Variants in ADAMTS4 observed in about 807,000 individuals in gnomAD.
ADAMTS4 encodes A disintegrin and metalloproteinase with thrombospondin motifs 4.
Under a neutral mutation model 66.7 loss-of-function variants are expected in ADAMTS4, and 38 were observed. That is an observed-to-expected ratio of 0.57 (90% confidence interval 0.44 to 0.75). The LOEUF is 0.75. ADAMTS4 is among the 30% of genes least tolerant of loss of function. The probability of loss-of-function intolerance (pLI) is 0.00; values close to 1 mark genes in which losing one functional copy is unlikely to be tolerated. For synonymous variants in ADAMTS4, 418 were observed against 461.5 expected, an observed-to-expected ratio of 0.91 and a Z score of 1.21; for missense variants, 1,014 against 1,116.7, an observed-to-expected ratio of 0.91 and a Z score of 1.31.
In ADAMTS4 at chr1:161,187,451, G is replaced by A. The variant is rs1249306375; in HGVS notation, c.*3687C>T. 6.6e-6 allele frequency: 1 copy of A among 152,168 alleles called. No individual in the cohort carries two copies. The highest frequency in any genetic ancestry group is 1.5e-5 in the Non-Finnish European group (1 of 68,062). The allele number at this position is 152,168 out of a possible 1,614,324, so 9.4% of individuals were successfully genotyped here. On this transcript the variant is annotated 3_prime_UTR_variant, in exon 9 of 9. Coordinates refer to ENST00000367996, the MANE Select transcript of ADAMTS4 (RefSeq NM_005099.6). ...TAGGAGGACCACAGGAAGGGCCAGG[G>A]GGCCAAGCCTAGCAGGGAGAACCGT...
In ADAMTS4 at chr1:161,193,081, T is replaced by C; in HGVS notation, c.1911+132A>G. ...ATACCCATGTACAGATAAGTCTGAG[T>C]GGAATCCTGGACTGGGCTGGCGTGG... On this transcript the variant is annotated intron_variant, in intron 7 of 8. Coordinates refer to ENST00000367996, the MANE Select transcript of ADAMTS4 (RefSeq NM_005099.6). This position sits in a 1 kb window ranked among gnomAD's most constrained non-coding sequence, Gnocchi z 4.4. 9.7e-7 allele frequency: 1 copy of C among 1,031,160 alleles called. No homozygotes were observed. Among genetic ancestry groups the C allele is most frequent in the Admixed American group, 2.7e-5 (1 of 36,690 alleles). The allele number at this position is 1,031,160 out of a possible 1,614,324, so 63.9% of individuals were successfully genotyped here. A position where few individuals can be genotyped will look rare whatever the true frequency, so the allele number is the denominator to read the frequency against.
chr1:161,189,775 A>T lies in ADAMTS4; in HGVS notation c.*1363T>A, dbSNP rs1187515120. 1 of 152,212 alleles carries T rather than the reference A, an allele frequency of 6.6e-6. No individual in the cohort carries two copies. The highest frequency in any genetic ancestry group is 1.5e-5 in the Non-Finnish European group (1 of 68,036). 9.4% of individuals were successfully genotyped at this position (152,212 alleles called of 1,614,324 possible). ...AGTGTTATGCTAGTTCTTTATTTAC[A>T]TTATTTAATCCTCACAACAAACTTC... On this transcript the variant is annotated 3_prime_UTR_variant, in exon 9 of 9. Coordinates refer to ENST00000367996, the MANE Select transcript of ADAMTS4 (RefSeq NM_005099.6).
rs760823575 is a variant in ADAMTS4, at chr1:161,195,522, C to T, written c.1204G>A (p.Glu402Lys). Residue 402 changes from glutamate (E) to lysine (K), a missense_variant, in exon 4 of 9, where the codon GAG (glutamate) becomes AAG (lysine). By Grantham distance (56) the Glu-to-Lys change is moderately conservative. Transcript: ENST00000367996. The stretch of plus-strand genomic sequence containing the variant: ...CGGGCACTGCAGGGGGACCAGGGCT[C>T]CTCAGGATCCACATGAGCCATCACA... ...APVMAHVDPE[E>K]PWSPCSARFI... 3 of 1,613,960 alleles carry T rather than the reference C, an allele frequency of 1.9e-6. No individual in the cohort carries two copies. Among genetic ancestry groups the T allele is most frequent in the Non-Finnish European group, 2.5e-6 (3 of 1,179,930 alleles).
At position 161,198,146 on chromosome 1, in the gene ADAMTS4, TGGA is replaced by T. The variant is rs1323380062; in HGVS notation, c.479_481del (p.Leu160del). ...GGTGCCTCCCTCCAGGGGCTGGAGG[TGGA>T]GTTCAGCCCCCCGATATTGTAACAC... On this transcript the variant is annotated inframe_deletion, in exon 1 of 9. Transcript: ENST00000367996. This position sits in a 1 kb window ranked among gnomAD's most constrained non-coding sequence, Gnocchi z 4.7. 4 of 1,613,390 alleles carry T rather than the reference TGGA, an allele frequency of 2.5e-6. No individual in the cohort carries two copies. The highest frequency in any genetic ancestry group is 3.4e-6 in the Non-Finnish European group (4 of 1,179,860).
Position 161,190,997 on chromosome 1 carries a change from T to A in ADAMTS4, c.*141A>T. On this transcript the variant is annotated 3_prime_UTR_variant, in exon 9 of 9. Transcript: ENST00000367996. ...ACCAGGGCAGGGCCAGCCTGCGCAT[T>A]AGGGCAGAGAGGAGGGGCAGGTCTC... is the stretch of plus-strand genomic sequence containing the variant. 1.0e-6 allele frequency: 1 copy of A among 989,118 alleles called. No individual in the cohort carries two copies. The highest frequency in any genetic ancestry group is 1.4e-6 in the Non-Finnish European group (1 of 694,012). The allele number at this position is 989,118 out of a possible 1,614,324, so 61.3% of individuals were successfully genotyped here.
chr1:161,197,194 G>C (rs1571586603), intron 1 of ADAMTS4: 1 of 326,494 alleles, frequency 3.1e-6, no homozygotes. Context: ...AGGGACTTTG[G>C]GGTTCTCCAG....
chr1:161,196,443 G>C, intron 2 of ADAMTS4, 114 bp downstream of exon 2: 1 of 1,496,306 alleles, frequency 6.7e-7, no homozygotes, highest in Non-Finnish European at 9.1e-7. Flanking sequence ...CAGTGTGGCT[G>C]GGGCAAGGCA....
In ADAMTS4 at chr1:161,188,595, C is replaced by T. The variant is rs1664591098; in HGVS notation, c.*2543G>A. The T allele has an allele frequency of 7.8e-6, 1 of 128,680 alleles. No homozygotes were observed. The highest frequency in any genetic ancestry group is 2.9e-5 in the African/African-American group (1 of 34,212). 8.0% of individuals were successfully genotyped at this position (128,680 alleles called of 1,614,324 possible). ...GGGGAAAATGCAGATGTTTTATTCC[C>T]TCCCTCTCCTCAGGCATCAGGTATT... On this transcript the variant is annotated 3_prime_UTR_variant, in exon 9 of 9. Coordinates refer to ENST00000367996, the MANE Select transcript of ADAMTS4 (RefSeq NM_005099.6).
Position 161,190,896 on chromosome 1 carries a change from AG to A in ADAMTS4, c.*241del, listed in dbSNP as rs746544162. The A allele has an allele frequency of 1.9e-4, 86 of 449,748 alleles. No homozygotes were observed. The highest frequency in any genetic ancestry group is 1.3e-3 in the South Asian group (25 of 19,172). 27.9% of individuals were successfully genotyped at this position (449,748 alleles called of 1,614,324 possible). On this transcript the variant is annotated 3_prime_UTR_variant, in exon 9 of 9. Coordinates refer to ENST00000367996, the MANE Select transcript of ADAMTS4 (RefSeq NM_005099.6). ...CTCCCTCCTGTGACCCGCAGGGCAG[AG>A]GGGGCAGTTTAGATGGAGGGCTGTC... is the stretch of plus-strand genomic sequence containing the variant.
rs774912153 is a variant in ADAMTS4 at position 161,191,532 on chromosome 1, G to T, written c.2120C>A (p.Ala707Glu). 6.2e-7 allele frequency: 1 copy of T among 1,613,218 alleles called. No individual in the cohort carries two copies. Among genetic ancestry groups the T allele is most frequent in the Non-Finnish European group, 8.5e-7 (1 of 1,179,544 alleles). The part of the protein sequence containing the change: ...YGYNNVVTIP[A>E]GATHILVRQQ... ...CCGGACAAGAATGTGGGTGGCCCCC[G>T]CGGGGATAGTGACCACATTGTTGTA... The change falls in exon 9 of 9, where the codon GCG becomes GAG. Residue 707 changes from alanine (A) to glutamate (E), a missense_variant. Ala to Glu is a moderately radical substitution (Grantham distance 107). Transcript: ENST00000367996.
chr1:161,193,494 G>A lies in ADAMTS4; in HGVS notation c.1736-106C>T. 1 of 1,521,768 alleles carries A rather than the reference G, an allele frequency of 6.6e-7. No individual in the cohort carries two copies. The highest frequency in any genetic ancestry group is 8.9e-7 in the Non-Finnish European group (1 of 1,126,490). The allele number at this position is 1,521,768 out of a possible 1,614,324, so 94.3% of individuals were successfully genotyped here. A position where few individuals can be genotyped will look rare whatever the true frequency, so the allele number is the denominator to read the frequency against. ...AGACAGCACAGCTCTGCTCTTCCCT[G>A]CAGACGGCCAAGGACAATTCCCAGA... On this transcript the variant is annotated intron_variant, in intron 6 of 8. Transcript: ENST00000367996. The surrounding 1 kb of genome is among the most constrained non-coding windows in gnomAD (Gnocchi z 4.4).
chr1:161,193,807 C>G lies in ADAMTS4; in HGVS notation c.1568G>C (p.Trp523Ser), dbSNP rs753203978. 1.2e-6 allele frequency: 2 copies of G among 1,607,550 alleles called. No homozygotes were observed. Among genetic ancestry groups the G allele is most frequent in the Non-Finnish European group, 1.7e-6 (2 of 1,176,640 alleles). The change falls in exon 6 of 9, where the codon TGG (tryptophan) becomes TCG (serine). Residue 523 changes from tryptophan (W) to serine (S), a missense_variant. Transcript: ENST00000367996. This position sits in a 1 kb window ranked among gnomAD's most constrained non-coding sequence, Gnocchi z 4.4. ...GTCACCCCATGGTCCCCAAGGACCC[C>G]AGCCACCAGCCTGTGGAATCTGCAA... ...QDFNIPQAGG[W>S]GPWGPWGDCS...
rs144218462 is a variant in ADAMTS4, at chr1:161,198,345, C to T, written c.283G>A (p.Glu95Lys). 3.2e-5 allele frequency: 51 copies of T among 1,613,204 alleles called. No homozygotes were observed. In the African/African-American group the frequency reaches 6.3e-4, roughly 20 times the overall value. Reference protein sequence around the residue: ...LQAFGETLLLELEQDSGVQVE... With the variant: ...LQAFGETLLLKLEQDSGVQVE... Reference sequence around the variant, plus strand: ...TGCACACCGGAGTCCTGCTCCAGCTCTAGTAGCAGCGTCTCCCCAAAGGCC... The same window carrying T: ...TGCACACCGGAGTCCTGCTCCAGCTTTAGTAGCAGCGTCTCCCCAAAGGCC... The change falls in exon 1 of 9, where the codon GAG (glutamate) becomes AAG (lysine). Residue 95 changes from glutamate (E) to lysine (K), a missense_variant. Glu to Lys is a moderately conservative substitution (Grantham distance 56). Transcript: ENST00000367996. The surrounding 1 kb of genome is among the most constrained non-coding windows in gnomAD (Gnocchi z 4.7).
rs916950610 is a variant in ADAMTS4, at chr1:161,194,371, T to C, written c.1262-150A>G. 6.0e-6 allele frequency: 4 copies of C among 663,574 alleles called. No homozygotes were observed. The highest frequency in any genetic ancestry group is 3.7e-5 in the African/African-American group (2 of 53,438). The allele number at this position is 663,574 out of a possible 1,614,324, so 41.1% of individuals were successfully genotyped here. ...GGATTTAAATTTTTGTTATTTATAA[T>C]TTTTATTTTAATTACTTACTTTTTT... On this transcript the variant is annotated intron_variant, in intron 4 of 8. Coordinates refer to ENST00000367996, the MANE Select transcript of ADAMTS4 (RefSeq NM_005099.6). This position sits in a 1 kb window ranked among gnomAD's most constrained non-coding sequence, Gnocchi z 4.1.
Position 161,189,671 on chromosome 1 carries a change from A to G in ADAMTS4, c.*1467T>C, listed in dbSNP as rs755945929. ...GGATCTTTGCCACCTTCAAGTGCAT[A>G]TGGAGAGTGGATGTGGACAGAAATT... On this transcript the variant is annotated 3_prime_UTR_variant, in exon 9 of 9. Coordinates refer to ENST00000367996, the MANE Select transcript of ADAMTS4 (RefSeq NM_005099.6). 4 of 152,184 alleles carry G rather than the reference A, an allele frequency of 2.6e-5. No homozygotes were observed. The highest frequency in any genetic ancestry group is 4.4e-5 in the Non-Finnish European group (3 of 68,044). The allele number at this position is 152,184 out of a possible 1,614,324, so 9.4% of individuals were successfully genotyped here.
intron 7 of ADAMTS4, among the ~76,000 whole-genome samples, chr1:161,192,607 C>T (rs1030779364): frequency 6.6e-6 from 1 of 151,920 alleles, no homozygotes; most frequent in African/African-American, 2.4e-5. Context: ...AGCAGAGGAG[C>T]CAAGATGGGA....
chr1:161,198,215 G>A lies in ADAMTS4; in HGVS notation c.413C>T (p.Ser138Leu), dbSNP rs749780664. The A allele has an allele frequency of 2.5e-6, 4 of 1,613,968 alleles. No homozygotes were observed. Among genetic ancestry groups the A allele is most frequent in the South Asian group, 1.1e-5 (1 of 91,082 alleles). Residue 138 changes from serine (S) to leucine (L), a missense_variant, in exon 1 of 9, where the codon TCG becomes TTG. Coordinates refer to ENST00000367996, the MANE Select transcript of ADAMTS4 (RefSeq NM_005099.6). The surrounding 1 kb of genome is among the most constrained non-coding windows in gnomAD (Gnocchi z 4.7). ...CCCATCCCAGTGCAGAGATGCCACCGACTCCGGATCTCCATTGATGGTGCC... is the reference window on the plus strand; with the variant it reads ...CCCATCCCAGTGCAGAGATGCCACCAACTCCGGATCTCCATTGATGGTGCC... ...LTGTINGDPE[S>L]VASLHWDGGA... is the part of the protein sequence containing the mutation.
rs1664597456 is a variant in ADAMTS4 at position 161,188,895 on chromosome 1, T to TATATATATATATATATATATATAC, written c.*2242_*2243insGTATATATATATATATATATATAT. On this transcript the variant is annotated 3_prime_UTR_variant, in exon 9 of 9. Transcript: ENST00000367996. ...ACCATGCCCGGCTAATATATATATA[T>TATATATATATATATATATATATAC]ATATATATATATATTTTGTATTTTT... 7.8e-6 allele frequency: 1 copy of TATATATATATATATATATATATAC among 128,368 alleles called. No individual in the cohort carries two copies. Among genetic ancestry groups the TATATATATATATATATATATATAC allele is most frequent in the Non-Finnish European group, 1.6e-5 (1 of 61,012 alleles). The allele number at this position is 128,368 out of a possible 1,614,324, so 8.0% of individuals were successfully genotyped here.
rs115123744 is a variant in ADAMTS4, at chr1:161,192,918, T to C, written c.1911+295A>G. Among the ~76,000 whole-genome samples, 326 of 152,164 alleles carry C rather than the reference T, an allele frequency of 2.1e-3. 2 individuals carry two copies. The highest frequency in any genetic ancestry group is 7.4e-3 in the African/African-American group (309 of 41,500). On this transcript the variant is annotated intron_variant, in intron 7 of 8. Transcript: ENST00000367996. The stretch of plus-strand genomic sequence containing the variant: ...CCATGGAAGAGGGGTGAAGGACTTG[T>C]CCCAAAGGCCACACATTCGATTCTC...
Sources: gnomAD v4.1 joint callset for allele counts (sites outside exome capture counted in the v4.1 genomes callset) on GRCh38, gnomAD v4.1.1 for gene constraint, Gnocchi (gnomAD v3.1) non-coding constraint, MANE v1.5 for transcripts, NCBI Gene and HGNC (gene_info 2026-07-23, HGNC 2026-07-21) for gene names.